The following SPICE1 variants were observed in gnomAD, a reference collection of about 807,000 sequenced individuals.
SPICE1 encodes the protein spindle and centriole associated protein 1.
Under a neutral mutation model 102.7 loss-of-function variants are expected in SPICE1, and 75 were observed. The ratio of observed to expected loss-of-function variants is 0.73; its 90% confidence interval spans 0.61 to 0.88. The LOEUF (loss-of-function observed/expected upper bound fraction) is 0.88. SPICE1 is among the 40% of genes least tolerant of loss of function. SPICE1 has a pLI of 0.00. For missense variants in SPICE1, 979 were observed against 1,020.1 expected (o/e 0.96, Z 0.55); for synonymous variants, 308 against 350.3 (o/e 0.88, Z 1.35).
chr3:113,467,547 G>A (rs966875431), intron 10 of SPICE1, among the ~76,000 whole-genome samples: 1 of 152,192 alleles, frequency 6.6e-6, no homozygotes, highest in Non-Finnish European at 1.5e-5. Flanking sequence ...GCCCGCCTCG[G>A]CCTTCCAAAG....
intron 7 of SPICE1, among the ~76,000 whole-genome samples, chr3:113,469,968 C>G (rs1306032363): frequency 1.3e-5 from 2 of 152,214 alleles, no homozygotes; most frequent in Admixed American, 6.5e-5. Context: ...TACTCTGTCC[C>G]TGTGTGTCAG....
chr3:113,500,249 T>A (rs1936983780), intron 3 of SPICE1, among the ~76,000 whole-genome samples: 2 of 152,310 alleles, frequency 1.3e-5, no homozygotes, highest in African/African-American at 4.8e-5. Flanking sequence ...AAATTAGATA[T>A]TTGATTTTAC....
chr3:113,470,886 A>G (rs182061799), intron 7 of SPICE1, among the ~76,000 whole-genome samples: 1 of 152,360 alleles, frequency 6.6e-6, no homozygotes, highest in Admixed American at 6.5e-5. Flanking sequence ...AATGTCTATA[A>G]CTTTCATCCT....
chr3:113,463,757 ATGAAGAGTGACTTC>A (rs1463505373), intron 11 of SPICE1, among the ~76,000 whole-genome samples: 8 of 152,260 alleles, frequency 5.3e-5, no homozygotes, highest in Non-Finnish European at 1.0e-4. Flanking sequence ...AGAAGAGAGA[ATGAAGAGTGACTTC>A]TAAAGGGTAC....
intron 11 of SPICE1, among the ~76,000 whole-genome samples, chr3:113,461,457 T>C (rs994698319): frequency 4.6e-5 from 7 of 152,174 alleles, no homozygotes; most frequent in Non-Finnish European, 1.0e-4. Context: ...AGAATTCCAT[T>C]CTTACATGTA....
At chr3:113,479,082 G>C (rs527383243) in intron 7 of SPICE1, among the ~76,000 whole-genome samples, 6 of 150,474 alleles carry the variant, frequency 4.0e-5, no homozygotes, top group Admixed American at 6.6e-5. Context: ...CCATTAACTC[G>C]TCATTTAGCA....
In SPICE1 at chr3:113,465,799, CAAAT is replaced by C. The variant is rs754330350; in HGVS notation, c.1156-19_1156-16del. On this transcript the variant is annotated splice_polypyrimidine_tract_variant and intron_variant, in intron 10 of 17. Coordinates refer to ENST00000295872, the MANE Select transcript of SPICE1 (RefSeq NM_144718.4). ...TGGATCTCACTCTACAAAAAAATAT[CAAAT>C]AAACTTCCACCAATAGCATCACATG... The C allele has an allele frequency of 6.2e-7, 1 of 1,605,576 alleles. No homozygotes were observed. The highest frequency in any genetic ancestry group is 1.1e-5 in the South Asian group (1 of 88,788).
chr3:113,482,443 T>C (rs751681259), intron 7 of SPICE1, among the ~76,000 whole-genome samples: 4 of 152,222 alleles, frequency 2.6e-5, no homozygotes, highest in Non-Finnish European at 5.9e-5. Flanking sequence ...TTGGCTTTTG[T>C]TGCCGTTGCT....
At chr3:113,458,481 C>T (rs544755175) in intron 12 of SPICE1, among the ~76,000 whole-genome samples, 272 of 152,316 alleles carry the variant, frequency 1.8e-3, no homozygotes, top group Middle Eastern at 0.017. Context: ...CCCGAGGTGC[C>T]GGGATTGCAG....
intron 4 of SPICE1, chr3:113,499,170 T>G (rs1936957431): frequency 3.7e-6 from 1 of 266,790 alleles, no homozygotes; most frequent in Non-Finnish European, 7.1e-6. Flanking sequence ...TACAAGCAAA[T>G]AATAATTTTA....
At chr3:113,492,798 G>C (rs1010417880) in intron 6 of SPICE1, among the ~76,000 whole-genome samples, 2 of 152,128 alleles carry the variant, frequency 1.3e-5, no homozygotes, top group Non-Finnish European at 2.9e-5. Context: ...CTAGTAAGTA[G>C]ATCCACCTGA....
At chr3:113,514,574 C>A (rs1012689520) in intron 1 of SPICE1, 1 of 451,678 alleles carries the variant, frequency 2.2e-6, no homozygotes, top group African/African-American at 2.0e-5. Context: ...CAGTTGCAAC[C>A]ATTCTTTTCC....
At chr3:113,487,323 T>C (rs533455676) in intron 7 of SPICE1, among the ~76,000 whole-genome samples, 20 of 152,142 alleles carry the variant, frequency 1.3e-4, no homozygotes, top group African/African-American at 4.3e-4. Flanking sequence ...ATAAAACCAA[T>C]AGTGTTAAAT....
chr3:113,509,309 AG>A (rs1937173468), intron 1 of SPICE1, among the ~76,000 whole-genome samples: 1 of 152,218 alleles, frequency 6.6e-6, no homozygotes, highest in Admixed American at 6.5e-5. Context: ...TTAACCACTT[AG>A]ATCTTTAACC....
chr3:113,486,445 T>C (rs1402942338), intron 7 of SPICE1, among the ~76,000 whole-genome samples: 1 of 150,222 alleles, frequency 6.7e-6, no homozygotes, highest in Non-Finnish European at 1.5e-5. Context: ...CAAAATAGAC[T>C]GGTAGCCAGA....
chr3:113,461,602 T>C (rs1935935551), intron 11 of SPICE1, among the ~76,000 whole-genome samples: 1 of 152,206 alleles, frequency 6.6e-6, no homozygotes, highest in African/African-American at 2.4e-5. Context: ...AAGTTATGTA[T>C]TGGTGTTACA....
intron 1 of SPICE1, among the ~76,000 whole-genome samples, chr3:113,512,951 CA>C (rs1243708924): frequency 6.6e-6 from 1 of 152,092 alleles, no homozygotes; most frequent in Non-Finnish European, 1.5e-5. Flanking sequence ...TATTAGTAAA[CA>C]AGTCTAATAT....
intron 6 of SPICE1, among the ~76,000 whole-genome samples, chr3:113,491,456 TA>T (rs1225970275): frequency 6.7e-6 from 1 of 150,346 alleles, no homozygotes; most frequent in African/African-American, 2.4e-5. Flanking sequence ...CCGTCTCTAC[TA>T]AAAAATACAA....
At chr3:113,499,658 T>G in intron 3 of SPICE1, 76 bp from the exon 4 acceptor site, 1 of 1,380,206 alleles carries the variant, frequency 7.2e-7, no homozygotes, top group Non-Finnish European at 9.6e-7. Context: ...TGAGATCACC[T>G]ACTCTAGTTC....
Sources: gnomAD v4.1 joint callset for allele counts (sites outside exome capture counted in the v4.1 genomes callset) on GRCh38, gnomAD v4.1.1 for gene constraint, MANE v1.5 for transcripts, NCBI Gene and HGNC (gene_info 2026-07-23, HGNC 2026-07-21) for gene names.